Variants in IGF2BP3 observed in about 807,000 individuals in gnomAD.
IGF2BP3 encodes insulin like growth factor 2 mRNA binding protein 3.
A neutral mutation model predicts 73.8 loss-of-function variants in IGF2BP3; 9 were observed. The ratio of observed to expected loss-of-function variants is 0.12; its 90% CI spans 0.07 to 0.21. The LOEUF (loss-of-function observed/expected upper bound fraction) is 0.21. IGF2BP3 is among the 10% of genes least tolerant of loss of function. IGF2BP3 has a pLI of 1.00. For synonymous variants in IGF2BP3, 258 were observed against 256.7 expected (o/e 1.01, Z -0.05); for missense variants, 542 against 714.0 (o/e 0.76, Z 2.75).
intron 3 of IGF2BP3, among the ~76,000 whole-genome samples, chr7:23,387,450 C>A (rs577348151): frequency 6.6e-6 from 1 of 152,184 alleles, no homozygotes; most frequent in African/African-American, 2.4e-5. Flanking sequence ...CTAAGGAAAT[C>A]TGAGTAACAA....
intron 7 of IGF2BP3, 99 bp from the exon 8 acceptor site, chr7:23,346,161 T>C (rs1185024421): frequency 1.5e-6 from 2 of 1,344,644 alleles, no homozygotes; most frequent in South Asian, 1.4e-5. Context: ...CTACCTACCA[T>C]CTGGGAAGCA....
chr7:23,340,022 T>G (rs1176084520), intron 10 of IGF2BP3, among the ~76,000 whole-genome samples: 6 of 152,164 alleles, frequency 3.9e-5, no homozygotes, highest in African/African-American at 1.2e-4. Flanking sequence ...GACACAATTC[T>G]TATAGTTCAG....
intron 3 of IGF2BP3, among the ~76,000 whole-genome samples, chr7:23,364,160 G>A (rs746799717): frequency 9.2e-5 from 14 of 152,154 alleles, no homozygotes; most frequent in South Asian, 2.1e-4. Flanking sequence ...TGGATCACGA[G>A]GTGAGGAGAT....
At chr7:23,422,156 C>T (rs1209393239) in intron 2 of IGF2BP3, among the ~76,000 whole-genome samples, 1 of 152,184 alleles carries the variant, frequency 6.6e-6, no homozygotes, top group Admixed American at 6.5e-5. Flanking sequence ...CACACCTACA[C>T]TGGCCTCATT....
chr7:23,312,513 TATTGTAC>T, intron 14 of IGF2BP3, 53 bp from the exon 15 acceptor site: 9 of 1,228,914 alleles, frequency 7.3e-6, no homozygotes, highest in Non-Finnish European at 1.1e-5. Flanking sequence ...TACTAAAAGT[TATTGTAC>T]TCCTTCATTT....
intron 2 of IGF2BP3, 23 bp from the exon 3 acceptor site, chr7:23,418,847 T>C: frequency 6.6e-7 from 1 of 1,524,456 alleles, no homozygotes; most frequent in Non-Finnish European, 8.9e-7. Flanking sequence ...TAAAATGTTT[T>C]TTAAAAGAAA....
At chr7:23,370,869 G>C (rs1416346443) in intron 3 of IGF2BP3, among the ~76,000 whole-genome samples, 1 of 151,724 alleles carries the variant, frequency 6.6e-6, no homozygotes, top group East Asian at 1.9e-4. Context: ...AGTAGAGACA[G>C]AGTTTTGCCA....
intron 2 of IGF2BP3, among the ~76,000 whole-genome samples, chr7:23,432,026 A>C (rs1184725874): frequency 6.6e-6 from 1 of 152,224 alleles, no homozygotes; most frequent in Non-Finnish European, 1.5e-5. Context: ...TCTTTACATC[A>C]CAGTTCTAAG....
At chr7:23,438,856 A>G (rs911929391) in intron 2 of IGF2BP3, among the ~76,000 whole-genome samples, 9 of 152,218 alleles carry the variant, frequency 5.9e-5, no homozygotes, top group African/African-American at 7.2e-5. Flanking sequence ...TAATAAACTC[A>G]TAAGACTGAG....
At chr7:23,417,968 A>C (rs544369838) in intron 3 of IGF2BP3, among the ~76,000 whole-genome samples, 9 of 152,328 alleles carry the variant, frequency 5.9e-5, no homozygotes, top group Admixed American at 1.3e-4. Context: ...CAACTGAGAA[A>C]CCTTGGAGAA....
chr7:23,387,316 A>G (rs274030), intron 3 of IGF2BP3, among the ~76,000 whole-genome samples: 1 of 152,098 alleles, frequency 6.6e-6, no homozygotes, highest in African/African-American at 2.4e-5. Context: ...AACTGTCCAG[A>G]TCATCAATAA....
At chr7:23,409,561 T>A (rs1238227314) in intron 3 of IGF2BP3, among the ~76,000 whole-genome samples, 1 of 152,042 alleles carries the variant, frequency 6.6e-6, no homozygotes, top group Non-Finnish European at 1.5e-5. Context: ...ATCAATGGGA[T>A]AAAAGAGTCC....
At chr7:23,381,503 T>C (rs1010136946) in intron 3 of IGF2BP3, among the ~76,000 whole-genome samples, 31 of 152,238 alleles carry the variant, frequency 2.0e-4, no homozygotes, top group African/African-American at 7.5e-4. Flanking sequence ...GGATTTATTA[T>C]ATACTCTCTA....
intron 3 of IGF2BP3, among the ~76,000 whole-genome samples, chr7:23,405,414 CT>C (rs770485873): frequency 6.6e-6 from 1 of 152,220 alleles, no homozygotes; most frequent in Non-Finnish European, 1.5e-5. Context: ...TGATTTGCTT[CT>C]TTTTTTCCCT....
intron 2 of IGF2BP3, among the ~76,000 whole-genome samples, chr7:23,454,133 T>C (rs1363284651): frequency 6.6e-6 from 1 of 152,222 alleles, no homozygotes; most frequent in African/African-American, 2.4e-5. Flanking sequence ...TATCTTTTTG[T>C]ACACAGACTG....
At chr7:23,439,432 G>A (rs968014345) in intron 2 of IGF2BP3, among the ~76,000 whole-genome samples, 3 of 151,164 alleles carry the variant, frequency 2.0e-5, no homozygotes, top group Non-Finnish European at 2.9e-5. Flanking sequence ...GGTGGCGGGC[G>A]CCTGTAGTCC....
At chr7:23,418,934 C>T in intron 2 of IGF2BP3, 110 bp from the exon 3 acceptor site, 1 of 679,334 alleles carries the variant, frequency 1.5e-6, no homozygotes, top group Non-Finnish European at 2.5e-6. Context: ...ATATTAATTA[C>T]AAACCAATAT....
chr7:23,394,306 A>C (rs1474313089), intron 3 of IGF2BP3, among the ~76,000 whole-genome samples: 1 of 152,180 alleles, frequency 6.6e-6, no homozygotes, highest in Non-Finnish European at 1.5e-5. Context: ...GTCTCTATAA[A>C]AATTACAAAA....
At chr7:23,423,858 G>A (rs1472232119) in intron 2 of IGF2BP3, among the ~76,000 whole-genome samples, 1 of 152,116 alleles carries the variant, frequency 6.6e-6, no homozygotes, top group South Asian at 2.1e-4. Flanking sequence ...AGTGGCTTAA[G>A]CCTGTAATCC....
Sources: gnomAD v4.1 joint callset for allele counts (sites outside exome capture counted in the v4.1 genomes callset) on GRCh38, gnomAD v4.1.1 for gene constraint, MANE v1.5 for transcripts, NCBI Gene and HGNC (gene_info 2026-07-23, HGNC 2026-07-21) for gene names.